Variants in DNAH6 observed in about 807,000 individuals in gnomAD.
DNAH6 encodes dynein axonemal heavy chain 6.
In DNAH6, 340 loss-of-function variants were observed where a neutral mutation model predicts 491.4. The ratio of observed to expected loss-of-function variants is 0.69; its 90% confidence interval spans 0.63 to 0.76. DNAH6 has a LOEUF of 0.76. DNAH6 is among the 30% of genes least tolerant of loss of function. The pLI, the probability that DNAH6 is intolerant of heterozygous loss-of-function variation, is 0.00. For synonymous variants in DNAH6, 1,603 were observed against 1,686.1 expected, an observed-to-expected ratio of 0.95 and a Z score of 1.21; for missense variants, 4,443 against 4,972.2, an observed-to-expected ratio of 0.89 and a Z score of 3.20.
intron 45 of DNAH6, 68 bp from the exon 46 acceptor site, chr2:84,694,181 G>A: frequency 7.1e-7 from 1 of 1,412,248 alleles, no homozygotes; most frequent in Non-Finnish European, 9.8e-7. Flanking sequence ...TTTGGCTCTG[G>A]GGCAGGCTCT....
At chr2:84,601,641 C>T (rs891665737) in intron 18 of DNAH6, among the ~76,000 whole-genome samples, 2 of 11,390 alleles carry the variant, frequency 1.8e-4, no homozygotes, top group African/African-American at 9.4e-4. Flanking sequence ...AGAATTGATT[C>T]CTATTTTTTT....
intron 11 of DNAH6, among the ~76,000 whole-genome samples, chr2:84,562,629 G>A (rs949556876): frequency 6.6e-6 from 1 of 152,238 alleles, no homozygotes; most frequent in East Asian, 1.9e-4. Flanking sequence ...TACAGTGTAA[G>A]GATATAAAGC....
At chr2:84,600,457 A>T (rs536202716) in intron 18 of DNAH6, among the ~76,000 whole-genome samples, 109 of 152,192 alleles carry the variant, frequency 7.2e-4, no homozygotes, top group South Asian at 1.5e-3. Context: ...CCAAGATTTC[A>T]TCCATGATAA....
intron 34 of DNAH6, 21 bp downstream of exon 34, chr2:84,653,895 G>T: frequency 6.6e-7 from 1 of 1,505,516 alleles, no homozygotes; most frequent in Non-Finnish European, 8.9e-7. Context: ...ACATTACTGT[G>T]GAGTGAAATC....
In DNAH6 at chr2:84,672,462, A is replaced by T; in HGVS notation, c.6590A>T (p.Lys2197Ile). 6.4e-7 allele frequency: 1 copy of T among 1,551,056 alleles called. No individual in the cohort carries two copies. The highest frequency in any genetic ancestry group is 1.2e-5 in the South Asian group (1 of 83,764). Reference protein sequence around the residue: ...QDFGGFYDRNKLFWKEIQDVT... With the variant: ...QDFGGFYDRNILFWKEIQDVT... ...TTTGGGGGATTTTATGACAGAAACA[A>T]ACTGTTTTGGAAAGAAATACAGGTT... The change falls in exon 40 of 77, where the codon AAA (lysine) becomes ATA (isoleucine). Residue 2197 changes from lysine (K) to isoleucine (I), a missense_variant. Physicochemically the swap from Lys to Ile is moderately radical, Grantham distance 102. Transcript: ENST00000389394.
chr2:84,578,708 A>G (rs1383069131), intron 13 of DNAH6, among the ~76,000 whole-genome samples: 1 of 152,224 alleles, frequency 6.6e-6, no homozygotes, highest in Non-Finnish European at 1.5e-5. Flanking sequence ...GATTGAATCA[A>G]CTAAAGTCAG....
chr2:84,582,277 A>G (rs1683105431), intron 14 of DNAH6, among the ~76,000 whole-genome samples: 1 of 152,184 alleles, frequency 6.6e-6, no homozygotes, highest in African/African-American at 2.4e-5. Flanking sequence ...CATCTCTGCT[A>G]TTCTAGAACC....
In DNAH6 at chr2:84,785,767, C is replaced by T. The variant is rs750467381; in HGVS notation, c.11100+11C>T. The stretch of plus-strand genomic sequence containing the variant: ...CATGCAATTATTCAGGTACACTCAA[C>T]TCTGCTTTTCAATAGCAACAAGGAA... On this transcript the variant is annotated intron_variant, in intron 67 of 76. Transcript: ENST00000389394. The T allele has an allele frequency of 5.3e-6, 8 of 1,510,182 alleles. No individual in the cohort carries two copies. The highest frequency in any genetic ancestry group is 7.1e-6 in the Non-Finnish European group (8 of 1,130,440). 93.5% of individuals were successfully genotyped at this position (1,510,182 alleles called of 1,614,324 possible). A position where few individuals can be genotyped will look rare whatever the true frequency, so the allele number is the denominator to read the frequency against.
In DNAH6 at chr2:84,645,106, T is replaced by C. The variant is rs115036982; in HGVS notation, c.5078+3052T>C. ...CCTCCACAACCTCATCAACATCTGT[T>C]TTTTTTCGACTTTTTAGTAATAGCC... On this transcript the variant is annotated intron_variant, in intron 33 of 76. Transcript: ENST00000389394. 6.1e-3 allele frequency among the ~76,000 whole-genome samples: 928 copies of C among 152,246 alleles called. 12 individuals are homozygous for C. Among genetic ancestry groups the C allele is most frequent in the African/African-American group, 0.021 (876 of 41,562 alleles).
At chr2:84,464,702 A>C in the DNAH6 span, among the ~76,000 whole-genome samples, 1 of 152,108 alleles carries the variant, frequency 6.6e-6, no homozygotes, top group Non-Finnish European at 1.5e-5. Flanking sequence ...CTGTCATGGC[A>C]CTGGTGGGAG....
intron 11 of DNAH6, among the ~76,000 whole-genome samples, chr2:84,571,880 T>C (rs1294874031): frequency 1.3e-5 from 2 of 151,426 alleles, no homozygotes; most frequent in Non-Finnish European, 2.9e-5. Flanking sequence ...ATGGCACCAC[T>C]GCACTCCAGC....
In DNAH6 at chr2:84,607,352, A is replaced by G. The variant is rs117095260; in HGVS notation, c.3294+257A>G. On this transcript the variant is annotated intron_variant, in intron 21 of 76. Transcript: ENST00000389394. ...GATATTGTAGATTTGGTTCCAAACCACCATGATAACCCAAATGTTGCAATA... is the reference window on the plus strand; with the variant it reads ...GATATTGTAGATTTGGTTCCAAACCGCCATGATAACCCAAATGTTGCAATA... 2.2e-3 allele frequency among the ~76,000 whole-genome samples: 331 copies of G among 152,316 alleles called. 10 individuals carry two copies. In the East Asian group the frequency reaches 0.058, roughly 27 times the overall value.
chr2:84,760,809 A>G (rs1313952987), intron 63 of DNAH6, among the ~76,000 whole-genome samples: 1 of 152,146 alleles, frequency 6.6e-6, no homozygotes, highest in Non-Finnish European at 1.5e-5. Flanking sequence ...GCAGTGGCAC[A>G]ATCACAGCTC....
the DNAH6 span, among the ~76,000 whole-genome samples, chr2:84,510,275 T>C: frequency 6.6e-6 from 1 of 152,216 alleles, no homozygotes. Flanking sequence ...TGTTCGTTTC[T>C]TTTTATTCTT....
At chr2:84,753,400 ATT>A (rs199641329) in intron 63 of DNAH6, among the ~76,000 whole-genome samples, 1 of 150,788 alleles carries the variant, frequency 6.6e-6, no homozygotes, top group East Asian at 1.9e-4. Flanking sequence ...CAGTTTATCT[ATT>A]TTTTTTTCTT....
chr2:84,472,447 A>G, the DNAH6 span, among the ~76,000 whole-genome samples: 2 of 152,104 alleles, frequency 1.3e-5, no homozygotes, highest in African/African-American at 4.8e-5. Flanking sequence ...CCTGTTTGAC[A>G]TGTGGCCCAG....
intron 64 of DNAH6, chr2:84,777,445 G>C: frequency 1.7e-6 from 1 of 602,728 alleles, no homozygotes. Flanking sequence ...TGGAAATTAG[G>C]TGCAACCGCC....
At chr2:84,786,262 C>A (rs902986183) in intron 67 of DNAH6, among the ~76,000 whole-genome samples, 3 of 151,892 alleles carry the variant, frequency 2.0e-5, no homozygotes, top group Non-Finnish European at 4.4e-5. Flanking sequence ...CCCATCTCTA[C>A]AAAAGTTTTA....
intron 16 of DNAH6, among the ~76,000 whole-genome samples, chr2:84,590,077 A>C (rs1216127908): frequency 2.0e-5 from 3 of 152,138 alleles, no homozygotes; most frequent in African/African-American, 7.2e-5. Context: ...CCAGCCAATA[A>C]GGCTGGTGAT....
Sources: allele counts gnomAD v4.1 joint callset (sites outside exome capture counted in the v4.1 genomes callset), GRCh38; gene constraint gnomAD v4.1.1; transcripts MANE v1.5; gene names NCBI Gene and HGNC (gene_info 2026-07-23, HGNC 2026-07-21).